Variants in ANKFN1 observed in about 807,000 individuals in gnomAD.
The protein encoded by ANKFN1 is ankyrin repeat and fibronectin type-III domain-containing protein 1.
A neutral mutation model predicts 108.7 loss-of-function variants in ANKFN1; 74 were observed. The observed-to-expected ratio is 0.68, with a 90% CI of 0.56 to 0.83. The LOEUF (loss-of-function observed/expected upper bound fraction) is 0.83. Among genes scored for constraint, ANKFN1 ranks in the 40% least tolerant of loss-of-function variants. The probability of loss-of-function intolerance (pLI) is 0.00; values close to 1 mark genes in which losing one functional copy is unlikely to be tolerated. For synonymous variants in ANKFN1, 547 were observed against 516.2 expected (o/e 1.06, Z -0.81); for missense variants, 1,505 against 1,382.3 (o/e 1.09, Z -1.41).
intron 8 of ANKFN1, among the ~76,000 whole-genome samples, chr17:56,432,836 T>G (rs547608124): frequency 1.3e-3 from 197 of 152,250 alleles, no homozygotes; most frequent in African/African-American, 4.5e-3. Context: ...GGATGTTACC[T>G]AAATTATGCC....
chr17:56,261,947 T>C (rs115098848), intron 3 of ANKFN1, among the ~76,000 whole-genome samples: 2,574 of 152,184 alleles, frequency 0.017, 80 homozygotes, highest in African/African-American at 0.06. Context: ...AGAAGACCAT[T>C]TCTCCCTGCC....
At chr17:56,416,932 A>G (rs549518308) in intron 8 of ANKFN1, among the ~76,000 whole-genome samples, 1 of 152,354 alleles carries the variant, frequency 6.6e-6, no homozygotes, top group Non-Finnish European at 1.5e-5. Flanking sequence ...GGAGGTCATT[A>G]GGTAACATGA....
chr17:56,049,856 G>C (rs1461501124), intron 4 of ANKFN1, among the ~76,000 whole-genome samples: 1 of 150,598 alleles, frequency 6.6e-6, no homozygotes, highest in Non-Finnish European at 1.5e-5. Context: ...AAACATACGT[G>C]TGCATGTGTC....
chr17:56,503,203 G>A (rs2051433309), intron 20 of ANKFN1, among the ~76,000 whole-genome samples: 1 of 151,926 alleles, frequency 6.6e-6, no homozygotes, highest in Admixed American at 6.5e-5. Flanking sequence ...GGGGAGGGGG[G>A]TGTTGTTTCC....
intron 14 of ANKFN1, chr17:56,462,275 G>A (rs2049927310): frequency 6.6e-6 from 1 of 152,200 alleles, no homozygotes; most frequent in African/African-American, 2.4e-5. Flanking sequence ...TAGTTAATAT[G>A]TTAGATCACT....
Position 56,180,034 on chromosome 17 carries a change from A to G in ANKFN1, c.-71+26504A>G, listed in dbSNP as rs371587372. 3.8e-4 allele frequency among the ~76,000 whole-genome samples: 58 copies of G among 152,334 alleles called. 2 individuals are homozygous for G. In the East Asian group the frequency reaches 8.9e-3, roughly 23 times the overall value. On this transcript the variant is annotated intron_variant, in intron 1 of 20. Transcript: ENST00000682825. The stretch of plus-strand genomic sequence containing the variant: ...CGTATGTGAATAAATAAGTCAACAA[A>G]GAGAACCATAGATTCACAGAGGAAG...
chr17:56,089,395 CTAA>C (rs372029029), intron 4 of ANKFN1, among the ~76,000 whole-genome samples: 1 of 151,368 alleles, frequency 6.6e-6, no homozygotes, highest in African/African-American at 2.4e-5. Flanking sequence ...GCACTTGATT[CTAA>C]TTATTTCTCT....
Position 56,466,410 on chromosome 17 carries a change from C to G in ANKFN1, c.1612C>G (p.Arg538Gly). 1 of 1,614,084 alleles carries G rather than the reference C, an allele frequency of 6.2e-7. No homozygotes were observed. Among genetic ancestry groups the G allele is most frequent in the Non-Finnish European group, 8.5e-7 (1 of 1,180,006 alleles). Residue 538 changes from arginine (R) to glycine (G), a missense_variant, in exon 15 of 21, where the codon CGA (arginine) becomes GGA (glycine). Transcript: ENST00000682825. ...GRVYYEPIKD[R>G]HGNILIVTIR... ...AGTTTACTATGAGCCCATTAAAGAT[C>G]GACATGGAAACATACTCATAGTCAC...
chr17:56,079,976 C>G (rs553501938), intron 4 of ANKFN1, among the ~76,000 whole-genome samples: 1 of 152,160 alleles, frequency 6.6e-6, no homozygotes, highest in Admixed American at 6.5e-5. Flanking sequence ...AGGAAAGGAA[C>G]AGTTGGGCAA....
At chr17:56,163,182 C>T (rs1199683049) in intron 1 of ANKFN1, among the ~76,000 whole-genome samples, 1 of 152,070 alleles carries the variant, frequency 6.6e-6, no homozygotes, top group Admixed American at 6.6e-5. Flanking sequence ...CTCTTTTAAA[C>T]CCATACTTGA....
chr17:56,440,539 T>G (rs1281033164), intron 9 of ANKFN1, 115 bp downstream of exon 9: 11 of 705,524 alleles, frequency 1.6e-5, no homozygotes, highest in Non-Finnish European at 2.7e-5. Flanking sequence ...TGGCAACAAC[T>G]GCCACTCATT....
intron 2 of ANKFN1, among the ~76,000 whole-genome samples, chr17:56,215,390 G>A (rs1232232355): frequency 6.6e-6 from 1 of 152,226 alleles, no homozygotes; most frequent in Non-Finnish European, 1.5e-5. Flanking sequence ...GTTATTGTGT[G>A]AGAAAGCCCA....
chr17:56,453,679 T>C (rs1037032297), intron 11 of ANKFN1, among the ~76,000 whole-genome samples: 38 of 152,148 alleles, frequency 2.5e-4, no homozygotes, highest in African/African-American at 9.2e-4. Flanking sequence ...CCTCACAGCA[T>C]CCTGAAAGGG....
intron 1 of ANKFN1, among the ~76,000 whole-genome samples, chr17:56,159,253 T>A (rs544302373): frequency 6.6e-6 from 1 of 152,320 alleles, no homozygotes; most frequent in East Asian, 1.9e-4. Flanking sequence ...TTGTTTTGTG[T>A]TTACTTGGGA....
chr17:56,353,800 A>G lies in ANKFN1; in HGVS notation c.391-36A>G, dbSNP rs781265797. On this transcript the variant is annotated intron_variant, in intron 5 of 20. Coordinates refer to ENST00000682825, the MANE Select transcript of ANKFN1 (RefSeq NM_001370326.1). ...CTAAGCTACAAAGACACACTGGTTT[A>G]AGAAATTGTGCTGATCTACTTTTGC... 18 of 1,596,402 alleles carry G rather than the reference A, an allele frequency of 1.1e-5. No individual in the cohort carries two copies. In the South Asian group the frequency reaches 1.9e-4, roughly 17 times the overall value.
chr17:56,491,817 A>G (rs1452552754), intron 18 of ANKFN1, among the ~76,000 whole-genome samples: 1 of 152,184 alleles, frequency 6.6e-6, no homozygotes, highest in African/African-American at 2.4e-5. Flanking sequence ...TCAAATTGCT[A>G]CTTGGCTTTT....
chr17:56,445,843 C>T (rs1020218957), intron 10 of ANKFN1, among the ~76,000 whole-genome samples: 1 of 152,108 alleles, frequency 6.6e-6, no homozygotes, highest in African/African-American at 2.4e-5. Flanking sequence ...AGGAAAATCC[C>T]GATATCGCCA....
At chr17:56,255,343 G>A (rs1025901650) in intron 3 of ANKFN1, among the ~76,000 whole-genome samples, 11 of 152,060 alleles carry the variant, frequency 7.2e-5, no homozygotes, top group Admixed American at 2.6e-4. Flanking sequence ...GAGGCATAGC[G>A]CAGGTCCCAA....
chr17:56,063,562 C>T (rs914517139), intron 4 of ANKFN1, among the ~76,000 whole-genome samples: 1 of 151,688 alleles, frequency 6.6e-6, no homozygotes, highest in Non-Finnish European at 1.5e-5. Flanking sequence ...CTTGTGTATG[C>T]TTCACAAAGT....
Sources: gnomAD v4.1 joint callset for allele counts (sites outside exome capture counted in the v4.1 genomes callset) on GRCh38, gnomAD v4.1.1 for gene constraint, MANE v1.5 for transcripts, NCBI Gene and HGNC (gene_info 2026-07-23, HGNC 2026-07-21) for gene names.